EED: variants seen among roughly 807,000 people sequenced by gnomAD.
EED encodes polycomb protein EED.
In EED, 9 loss-of-function variants were observed where a neutral mutation model predicts 61.0. The ratio of observed to expected loss-of-function variants is 0.15; its 90% CI spans 0.09 to 0.26. EED has a LOEUF of 0.26. Among genes scored for constraint, EED ranks in the 10% least tolerant of loss-of-function variants. The pLI, the probability that EED is intolerant of heterozygous loss-of-function variation, is 1.00. For synonymous variants in EED, 187 were observed against 174.4 expected (o/e 1.07, Z -0.57); for missense variants, 315 against 542.3 (o/e 0.58, Z 4.16).
the EED span, among the ~76,000 whole-genome samples, chr11:86,285,115 A>C: frequency 6.6e-6 from 1 of 151,980 alleles, no homozygotes; most frequent in Non-Finnish European, 1.5e-5. Flanking sequence ...TGTCTCAAAA[A>C]CGAAAAACCA....
chr11:86,268,605 G>GTGTGTA, intron 9 of EED, 44 bp downstream of exon 9: 7 of 1,118,012 alleles, frequency 6.3e-6, no homozygotes, highest in Non-Finnish European at 7.8e-6. Flanking sequence ...GTGTGTGTGT[G>GTGTGTA]TGTGTGTGTG....
At chr11:86,266,365 A>G (rs1945978782) in intron 8 of EED, 149 bp downstream of exon 8, 1 of 625,226 alleles carries the variant, frequency 1.6e-6, no homozygotes. Context: ...TGTAAAATTC[A>G]CCCCTTTAAG....
intron 6 of EED, among the ~76,000 whole-genome samples, chr11:86,257,996 CTTTTA>C (rs1945720696): frequency 6.6e-6 from 1 of 152,136 alleles, no homozygotes; most frequent in Non-Finnish European, 1.5e-5. Context: ...ATATAAACAT[CTTTTA>C]TTTTAGAGAG....
intron 6 of EED, 22 bp downstream of exon 6, chr11:86,257,618 T>C: frequency 6.3e-7 from 1 of 1,587,416 alleles, no homozygotes; most frequent in Non-Finnish European, 8.6e-7. Context: ...AAATGTTTCT[T>C]GAGTCTGTGC....
intron 5 of EED, among the ~76,000 whole-genome samples, chr11:86,256,995 C>T (rs10898458): frequency 0.35 from 53,520 of 151,858 alleles, 9,894 homozygotes; most frequent in Non-Finnish European, 0.41. Flanking sequence ...TTGGAGCCTC[C>T]GCTAATCCGA....
chr11:86,244,763 C>T lies in EED; in HGVS notation c.-467C>T, dbSNP rs1027270942. 2.6e-5 allele frequency: 6 copies of T among 233,220 alleles called. No individual in the cohort carries two copies. The East Asian group carries it at 3.7e-4, about 14-fold the overall frequency. The allele number at this position is 233,220 out of a possible 1,614,324, so 14.4% of individuals were successfully genotyped here. On this transcript the variant is annotated 5_prime_UTR_variant, in exon 1 of 12. Coordinates refer to ENST00000263360, the MANE Select transcript of EED (RefSeq NM_003797.5). ...TTGGTGGTGTAGCCCATTCCACAGACTTTCGCTCCCTAGCAGCGGGTCGGA... is the reference window on the plus strand; with the variant it reads ...TTGGTGGTGTAGCCCATTCCACAGATTTTCGCTCCCTAGCAGCGGGTCGGA...
chr11:86,249,068 TATA>T (rs1945461498), intron 1 of EED, among the ~76,000 whole-genome samples: 1 of 152,182 alleles, frequency 6.6e-6, no homozygotes, highest in Non-Finnish European at 1.5e-5. Context: ...AAGGATGTGC[TATA>T]TAGATAATGC....
intron 1 of EED, among the ~76,000 whole-genome samples, chr11:86,248,091 C>G (rs767312141): frequency 6.6e-6 from 1 of 152,144 alleles, no homozygotes; most frequent in Admixed American, 6.5e-5. Context: ...CAAATTACTG[C>G]CCTGTGTCTC....
intron 6 of EED, among the ~76,000 whole-genome samples, chr11:86,259,883 CCT>C (rs1369418855): frequency 1.3e-5 from 2 of 152,096 alleles, no homozygotes; most frequent in Admixed American, 6.6e-5. Context: ...AAATCAGAGC[CCT>C]CTCAGACACT....
intron 9 of EED, among the ~76,000 whole-genome samples, chr11:86,275,691 T>C (rs1393883814): frequency 3.3e-5 from 5 of 152,152 alleles, no homozygotes. Context: ...TTAGAGACTC[T>C]GAATCAGTAG....
chr11:86,268,729 AT>A (rs1388954034), intron 9 of EED, among the ~76,000 whole-genome samples, 168 bp downstream of exon 9: 2 of 152,058 alleles, frequency 1.3e-5, no homozygotes, highest in Non-Finnish European at 2.9e-5. Context: ...ATATTTTGAT[AT>A]ATTTAGAAAC....
chr11:86,280,332 G>C (rs569232811), downstream of EED, among the ~76,000 whole-genome samples: 10 of 152,232 alleles, frequency 6.6e-5, no homozygotes, highest in South Asian at 2.1e-3. Flanking sequence ...AGTTAGTGCA[G>C]ATAATGAAAG....
intron 3 of EED, among the ~76,000 whole-genome samples, chr11:86,253,595 C>G (rs1323748409): frequency 1.3e-5 from 2 of 152,236 alleles, no homozygotes; most frequent in East Asian, 3.8e-4. Context: ...CCACATAAGA[C>G]ATAACCTAGT....
At chr11:86,245,431 T>A in intron 1 of EED, 88 bp downstream of exon 1, 2 of 816,354 alleles carry the variant, frequency 2.4e-6, no homozygotes, top group Non-Finnish European at 3.7e-6. Flanking sequence ...AGCGGGCTGC[T>A]GTGGGGGGAG....
Position 86,278,561 on chromosome 11 carries a change from T to C in EED, c.*36T>C. The C allele has an allele frequency of 6.2e-7, 1 of 1,607,192 alleles. No homozygotes were observed. The highest frequency in any genetic ancestry group is 8.5e-7 in the Non-Finnish European group (1 of 1,176,064). ...CCTAATCAAAATTAGAGTGTGTTTG[T>C]TGTCTGTGTAAAATAGAATTAATGT... is the stretch of plus-strand genomic sequence containing the variant. On this transcript the variant is annotated 3_prime_UTR_variant, in exon 12 of 12. Transcript: ENST00000263360.
intron 9 of EED, among the ~76,000 whole-genome samples, chr11:86,275,785 G>A (rs1183378647): frequency 1.3e-5 from 2 of 152,160 alleles, no homozygotes; most frequent in Non-Finnish European, 2.9e-5. Context: ...TTTGCATTTA[G>A]CCAAGAGTCA....
At chr11:86,250,180 T>C (rs1236856286) in intron 1 of EED, 116 bp from the exon 2 acceptor site, 1 of 975,274 alleles carries the variant, frequency 1.0e-6, no homozygotes, top group Non-Finnish European at 1.4e-6. Context: ...AATACATTTT[T>C]TTCTTCTTGT....
chr11:86,274,954 G>C (rs1405981345), intron 9 of EED, among the ~76,000 whole-genome samples: 2 of 152,194 alleles, frequency 1.3e-5, no homozygotes, highest in East Asian at 1.9e-4. Flanking sequence ...CTGGAGTAGA[G>C]CATTGTTGTC....
intron 9 of EED, 33 bp downstream of exon 9, chr11:86,268,594 C>CGTTTGTGT: frequency 1.2e-6 from 1 of 819,598 alleles, no homozygotes; most frequent in East Asian, 2.8e-5. Context: ...GTACTTCCAT[C>CGTTTGTGT]GTGTGTGTGT....
Sources: allele counts gnomAD v4.1 joint callset (sites outside exome capture counted in the v4.1 genomes callset), GRCh38; gene constraint gnomAD v4.1.1; transcripts MANE v1.5; gene names NCBI Gene and HGNC (gene_info 2026-07-23, HGNC 2026-07-21).